The following SLC39A8 variants were observed in gnomAD, a reference collection of about 807,000 sequenced individuals.
The protein encoded by SLC39A8 is metal cation symporter ZIP8.
A neutral mutation model predicts 40.4 loss-of-function variants in SLC39A8; 15 were observed. The observed-to-expected ratio is 0.37, with a 90% CI of 0.25 to 0.57. The LOEUF (loss-of-function observed/expected upper bound fraction) is 0.57. Among genes scored for constraint, SLC39A8 ranks in the 20% least tolerant of loss-of-function variants. The probability of loss-of-function intolerance (pLI) is 0.75; values close to 1 mark genes in which losing one functional copy is unlikely to be tolerated. For synonymous variants in SLC39A8, 223 were observed against 221.6 expected (o/e 1.01, Z -0.06); for missense variants, 472 against 558.8 (o/e 0.84, Z 1.57).
chr4:102,324,341 G>T, intron 2 of SLC39A8: 1 of 209,668 alleles, frequency 4.8e-6, no homozygotes, highest in Non-Finnish European at 1.0e-5. Flanking sequence ...GCTGCAGTGA[G>T]CCGAGATAGT....
At chr4:102,253,332 C>CTG in exon 12 of SLC39A8, 1 of 681,258 alleles carries the variant, frequency 1.5e-6, no homozygotes, top group Non-Finnish European at 2.7e-6. Flanking sequence ...ATGGTCATAA[C>CTG]TATGTCATAT....
chr4:102,341,843 T>C (rs1362531268), intron 2 of SLC39A8, among the ~76,000 whole-genome samples: 4 of 152,200 alleles, frequency 2.6e-5, no homozygotes, highest in Non-Finnish European at 5.9e-5. Context: ...CTAATAAATA[T>C]CACAGCCCTC....
At chr4:102,334,586 T>A (rs528750376) in intron 2 of SLC39A8, among the ~76,000 whole-genome samples, 56 of 152,280 alleles carry the variant, frequency 3.7e-4, no homozygotes, top group African/African-American at 1.2e-3. Context: ...GCAGAGAACA[T>A]ATGCCAGCTT....
chr4:102,301,983 C>T (rs1733945167), intron 6 of SLC39A8, among the ~76,000 whole-genome samples: 1 of 152,098 alleles, frequency 6.6e-6, no homozygotes, highest in Non-Finnish European at 1.5e-5. Context: ...TCAGAAGGAA[C>T]TTTCCTGAAA....
chr4:102,293,375 C>T (rs1451276230), intron 6 of SLC39A8, among the ~76,000 whole-genome samples: 2 of 151,938 alleles, frequency 1.3e-5, no homozygotes, highest in Non-Finnish European at 2.9e-5. Flanking sequence ...TCAACATTGT[C>T]CTACGAGCCC....
chr4:102,295,344 C>T (rs1733636807), intron 6 of SLC39A8, among the ~76,000 whole-genome samples: 4 of 151,842 alleles, frequency 2.6e-5, no homozygotes. Context: ...AAAATGCTGA[C>T]TATTTAAATG....
intron 2 of SLC39A8, among the ~76,000 whole-genome samples, chr4:102,327,725 A>G (rs1397354769): frequency 1.3e-5 from 2 of 152,246 alleles, no homozygotes; most frequent in Admixed American, 1.3e-4. Flanking sequence ...CCTTGGACAC[A>G]TAAGACACTC....
intron 1 of SLC39A8, 121 bp downstream of exon 1, chr4:102,345,224 G>A (rs1736125019): frequency 6.6e-6 from 1 of 152,586 alleles, no homozygotes; most frequent in South Asian, 2.1e-4. Context: ...CAGTCCCCAA[G>A]GAGCTGCAGA....
intron 2 of SLC39A8, among the ~76,000 whole-genome samples, chr4:102,341,377 G>A (rs963510350): frequency 6.6e-6 from 1 of 152,168 alleles, no homozygotes; most frequent in African/African-American, 2.4e-5. Flanking sequence ...AAGAGGAAAT[G>A]AGGAAAAGGA....
chr4:102,252,907 T>C (rs1426306090), exon 12 of SLC39A8: 1 of 151,598 alleles, frequency 6.6e-6, no homozygotes, highest in Non-Finnish European at 1.5e-5. Context: ...CATACCTCTC[T>C]CCCAGATTCT....
At chr4:102,337,223 T>A (rs1258979019) in intron 2 of SLC39A8, among the ~76,000 whole-genome samples, 4 of 148,190 alleles carry the variant, frequency 2.7e-5, no homozygotes, top group African/African-American at 1.0e-4. Flanking sequence ...CAAAAGGAAT[T>A]CACTTTTCTC....
chr4:102,344,957 C>T (rs1391359685), intron 1 of SLC39A8, 42 bp from the exon 2 acceptor site: 7 of 1,150,436 alleles, frequency 6.1e-6, no homozygotes, highest in East Asian at 4.0e-5. Context: ...TAAAGGCCAC[C>T]AGGGCACCAG....
At chr4:102,259,315 G>T (rs1731784269), downstream of SLC39A8, 2 of 491,382 alleles carry the variant, frequency 4.1e-6, no homozygotes, top group Non-Finnish European at 7.3e-6. Context: ...TCCACGTGTT[G>T]CCTCACTGGG....
At chr4:102,291,521 C>T (rs750947159) in intron 6 of SLC39A8, among the ~76,000 whole-genome samples, 5 of 152,022 alleles carry the variant, frequency 3.3e-5, no homozygotes, top group Non-Finnish European at 7.4e-5. Context: ...CTATTATTCT[C>T]ATTCGTCTGA....
intron 2 of SLC39A8, among the ~76,000 whole-genome samples, chr4:102,320,231 A>C (rs1560561003): frequency 1.5e-5 from 2 of 134,598 alleles, no homozygotes; most frequent in Non-Finnish European, 3.1e-5. Flanking sequence ...ATGTATGAGT[A>C]TATATATATG....
chr4:102,325,417 A>T (rs1735153408), intron 2 of SLC39A8, among the ~76,000 whole-genome samples: 2 of 147,996 alleles, frequency 1.4e-5, no homozygotes, highest in Non-Finnish European at 3.0e-5. Flanking sequence ...TCATATACAC[A>T]CACACTCACA....
chr4:102,310,670 A>G (rs552928370), intron 3 of SLC39A8, among the ~76,000 whole-genome samples: 1 of 152,248 alleles, frequency 6.6e-6, no homozygotes, highest in African/African-American at 2.4e-5. Flanking sequence ...AACATCATTC[A>G]GAAAAAAATG....
At position 102,344,392 on chromosome 4, in the gene SLC39A8, A is replaced by G. The variant is rs1044778894; in HGVS notation, c.219+52T>C. 6 of 1,294,074 alleles carry G rather than the reference A, an allele frequency of 4.6e-6. No individual in the cohort carries two copies. In the African/African-American group the frequency reaches 4.7e-5, roughly 10 times the overall value. The allele number at this position is 1,294,074 out of a possible 1,614,324, so 80.2% of individuals were successfully genotyped here. ...ATAAAAACGGCTCATATACAAAGTG[A>G]AGTCTAGGGACACCCACAGTACGGA... On this transcript the variant is annotated intron_variant, in intron 2 of 8. Coordinates refer to ENST00000356736, the MANE Select transcript of SLC39A8 (RefSeq NM_001135146.2).
downstream of SLC39A8, among the ~76,000 whole-genome samples, chr4:102,259,853 T>A (rs1039151145): frequency 6.6e-6 from 1 of 152,214 alleles, no homozygotes; most frequent in African/African-American, 2.4e-5. Flanking sequence ...GTGTTAATAG[T>A]ACTTAGTTTC....
Sources: gnomAD v4.1 joint callset for allele counts (sites outside exome capture counted in the v4.1 genomes callset) on GRCh38, gnomAD v4.1.1 for gene constraint, MANE v1.5 for transcripts, NCBI Gene and HGNC (gene_info 2026-07-23, HGNC 2026-07-21) for gene names.